Variants in CCDC73 observed in about 807,000 individuals in gnomAD.
CCDC73 encodes coiled-coil domain containing 73.
CCDC73 carries 95 observed loss-of-function variants against 116.5 expected under a neutral mutation model. That is an observed-to-expected ratio of 0.82 (90% CI 0.69 to 0.97). The LOEUF (loss-of-function observed/expected upper bound fraction) is 0.97, where lower values mean the gene tolerates loss of function less well. CCDC73 is among the 50% of genes least tolerant of loss of function. CCDC73 has a pLI of 0.00. For synonymous variants in CCDC73, 398 were observed against 401.3 expected, an observed-to-expected ratio of 0.99 and a Z score of 0.10; for missense variants, 1,066 against 1,206.8, an observed-to-expected ratio of 0.88 and a Z score of 1.73.
intron 9 of CCDC73, among the ~76,000 whole-genome samples, chr11:32,656,232 C>G (rs1444610418): frequency 3.3e-5 from 5 of 152,224 alleles, no homozygotes; most frequent in African/African-American, 1.2e-4. Context: ...CGCCCACCAC[C>G]ACGCCCGGCT....
At chr11:32,603,259 C>T (rs925577238) in intron 17 of CCDC73, 1 of 379,736 alleles carries the variant, frequency 2.6e-6, no homozygotes, top group Non-Finnish European at 4.7e-6. Context: ...CCTTTTACTA[C>T]TTCATGTTTC....
At chr11:32,675,715 A>T in intron 8 of CCDC73, 71 bp from the exon 9 acceptor site, 1 of 1,291,410 alleles carries the variant, frequency 7.7e-7, no homozygotes, top group Non-Finnish European at 1.1e-6. Context: ...CATTAAGATA[A>T]ACAGGGAAAA....
At chr11:32,802,961 G>C in the CCDC73 span, among the ~76,000 whole-genome samples, 14 of 150,682 alleles carry the variant, frequency 9.3e-5, 1 homozygote, top group East Asian at 2.5e-3. Context: ...TTTTAGTAGA[G>C]ACAGAGTTTC....
At chr11:32,672,233 T>C (rs753873167) in intron 9 of CCDC73, among the ~76,000 whole-genome samples, 22 of 152,098 alleles carry the variant, frequency 1.4e-4, no homozygotes, top group Non-Finnish European at 2.8e-4. Context: ...TCCCAGCTAC[T>C]TGGGAGGCTG....
At chr11:32,677,955 CAAAA>C (rs34907847) in intron 7 of CCDC73, among the ~76,000 whole-genome samples, 104 of 64,264 alleles carry the variant, frequency 1.6e-3, no homozygotes, top group South Asian at 3.4e-3. Context: ...GATTCCATCT[CAAAA>C]AAAAAAAAAA....
chr11:32,757,497 C>A (rs1284326859), intron 2 of CCDC73, among the ~76,000 whole-genome samples: 1 of 152,128 alleles, frequency 6.6e-6, no homozygotes, highest in Non-Finnish European at 1.5e-5. Context: ...GTTACTATTA[C>A]TACTGTAACA....
the CCDC73 span, among the ~76,000 whole-genome samples, chr11:32,802,110 A>C: frequency 3.3e-5 from 5 of 152,346 alleles, no homozygotes; most frequent in African/African-American, 1.2e-4. Flanking sequence ...AATTTCAGTC[A>C]CAGTAACAGC....
chr11:32,675,733 A>G (rs1162954292), intron 8 of CCDC73, 89 bp from the exon 9 acceptor site: 3 of 1,224,710 alleles, frequency 2.4e-6, no homozygotes, highest in African/African-American at 3.1e-5. Context: ...AAACAGTAAC[A>G]ATGCAATATA....
At chr11:32,653,346 AC>A in intron 11 of CCDC73, 119 bp from the exon 12 acceptor site, 1 of 563,334 alleles carries the variant, frequency 1.8e-6, no homozygotes, top group Non-Finnish European at 3.0e-6. Context: ...TAATTTCAAT[AC>A]TTTATATTAA....
chr11:32,603,087 C>A, intron 17 of CCDC73, 67 bp from the exon 18 acceptor site: 4 of 1,295,814 alleles, frequency 3.1e-6, no homozygotes, highest in Non-Finnish European at 4.3e-6. Context: ...GTCTGTAAAG[C>A]CTCTGCAGTT....
intron 6 of CCDC73, among the ~76,000 whole-genome samples, chr11:32,686,549 T>C (rs527350301): frequency 1.3e-5 from 2 of 151,894 alleles, no homozygotes; most frequent in Admixed American, 6.6e-5. Context: ...AGGAAAAAAA[T>C]GAAAAGACAA....
At chr11:32,634,347 G>A (rs938504554) in intron 14 of CCDC73, among the ~76,000 whole-genome samples, 23 of 152,008 alleles carry the variant, frequency 1.5e-4, no homozygotes, top group African/African-American at 5.6e-4. Context: ...AGGAATGCAG[G>A]TTAACATCTG....
the CCDC73 span, among the ~76,000 whole-genome samples, chr11:32,801,299 A>G: frequency 6.6e-6 from 1 of 152,198 alleles, no homozygotes; most frequent in African/African-American, 2.4e-5. Flanking sequence ...TTACTCCTAG[A>G]GCTGGAGACA....
At chr11:32,801,276 T>C in the CCDC73 span, among the ~76,000 whole-genome samples, 39,422 of 152,096 alleles carry the variant, frequency 0.26, 6,123 homozygotes, top group East Asian at 0.79. Flanking sequence ...GGCTGGCTTA[T>C]ATAAATCAAG....
At chr11:32,767,543 A>C (rs1209067483) in intron 1 of CCDC73, among the ~76,000 whole-genome samples, 1 of 152,236 alleles carries the variant, frequency 6.6e-6, no homozygotes, top group African/African-American at 2.4e-5. Context: ...CAACCTACAG[A>C]ATGGGAGAAA....
chr11:32,741,060 A>C (rs1290290930), intron 2 of CCDC73, among the ~76,000 whole-genome samples: 1 of 152,152 alleles, frequency 6.6e-6, no homozygotes, highest in Non-Finnish European at 1.5e-5. Flanking sequence ...CAATTTTTTA[A>C]ATGTTTTAAG....
rs953705166 is a variant in CCDC73, at chr11:32,760,018, G to A, written c.135+91C>T. On this transcript the variant is annotated intron_variant, in intron 2 of 17. Transcript: ENST00000335185. ...ATATATTTTATTTCTAAACAAGAGGGATTTTTTAGGCTTTTTATTCTTTAA... is the reference window on the plus strand; with the variant it reads ...ATATATTTTATTTCTAAACAAGAGGAATTTTTTAGGCTTTTTATTCTTTAA... 3 of 1,029,630 alleles carry A rather than the reference G, an allele frequency of 2.9e-6. No individual in the cohort carries two copies. In the Admixed American group the frequency reaches 7.0e-5, roughly 24 times the overall value. 63.8% of individuals were successfully genotyped at this position (1,029,630 alleles called of 1,614,324 possible). A position where few individuals can be genotyped will look rare whatever the true frequency, so the allele number is the denominator to read the frequency against.
chr11:32,607,338 C>G (rs540520956), intron 17 of CCDC73, among the ~76,000 whole-genome samples: 1 of 151,468 alleles, frequency 6.6e-6, no homozygotes, highest in Non-Finnish European at 1.5e-5. Flanking sequence ...GTGATCCGCC[C>G]GCCTCGGCCT....
chr11:32,807,003 T>C, the CCDC73 span, among the ~76,000 whole-genome samples: 1 of 152,308 alleles, frequency 6.6e-6, no homozygotes, highest in East Asian at 1.9e-4. Context: ...GGCTCCCTGC[T>C]TCTAGTGAGC....
Sources: gnomAD v4.1 joint callset for allele counts (sites outside exome capture counted in the v4.1 genomes callset) on GRCh38, gnomAD v4.1.1 for gene constraint, MANE v1.5 for transcripts, NCBI Gene and HGNC (gene_info 2026-07-23, HGNC 2026-07-21) for gene names.